TMEM87A: variants seen among roughly 807,000 people sequenced by gnomAD.
The protein encoded by TMEM87A is Golgi-pH regulating cation channel.
TMEM87A carries 50 observed loss-of-function variants against 90.0 expected under a neutral mutation model. The ratio of observed to expected loss-of-function variants is 0.56; its 90% confidence interval spans 0.44 to 0.70. The LOEUF (loss-of-function observed/expected upper bound fraction) is 0.70. TMEM87A is among the 30% of genes least tolerant of loss of function. The pLI is 0.00. For missense variants in TMEM87A, 577 were observed against 660.5 expected, an observed-to-expected ratio of 0.87 and a Z score of 1.39; for synonymous variants, 226 against 226.7, an observed-to-expected ratio of 1.00 and a Z score of 0.03.
At chr15:42,252,818 T>A (rs1164560688) in intron 6 of TMEM87A, among the ~76,000 whole-genome samples, 1 of 152,214 alleles carries the variant, frequency 6.6e-6, no homozygotes, top group Non-Finnish European at 1.5e-5. Context: ...GTATTTTTTT[T>A]AATCCTGTAA....
intron 6 of TMEM87A, among the ~76,000 whole-genome samples, chr15:42,252,884 G>A (rs1223837439): frequency 6.6e-6 from 1 of 152,116 alleles, no homozygotes; most frequent in Non-Finnish European, 1.5e-5. Flanking sequence ...AAAACTGAAT[G>A]TTATAAAGTG....
At chr15:42,267,920 A>C in intron 3 of TMEM87A, 27 bp downstream of exon 3, 1 of 1,588,916 alleles carries the variant, frequency 6.3e-7, no homozygotes, top group East Asian at 2.3e-5. Context: ...AAGGTCCAAA[A>C]AAACTCTGTA....
chr15:42,226,133 G>A (rs548495275), intron 15 of TMEM87A, among the ~76,000 whole-genome samples: 1 of 152,104 alleles, frequency 6.6e-6, no homozygotes, highest in Non-Finnish European at 1.5e-5. Context: ...CCAAGTAGCT[G>A]GGATTACAGG....
chr15:42,249,897 C>G (rs965554980), intron 6 of TMEM87A, among the ~76,000 whole-genome samples: 5 of 152,024 alleles, frequency 3.3e-5, no homozygotes, highest in East Asian at 1.9e-4. Flanking sequence ...TTATTGTGTG[C>G]GAGTCTAAGT....
Position 42,231,228 on chromosome 15 carries a change from G to C in TMEM87A, c.1095C>G (p.Ile365Met). The C allele has an allele frequency of 6.3e-7, 1 of 1,592,870 alleles. No individual in the cohort carries two copies. Residue 365 changes from isoleucine to methionine, a missense_variant, in exon 12 of 20, where the codon ATC becomes ATG. Transcript: ENST00000389834. ...AQTDLASLAF[I>M]PLAFLDTALC... ...AGGCAGTGTCTAGGAAAGCCAAGGG[G>C]ATAAAGGCCAAGGAAGCAAGATCAG... is the stretch of plus-strand genomic sequence containing the variant.
intron 5 of TMEM87A, 68 bp downstream of exon 5, chr15:42,261,128 G>T: frequency 3.2e-6 from 5 of 1,556,704 alleles, no homozygotes; most frequent in Non-Finnish European, 4.4e-6. Flanking sequence ...GATGCAGTGA[G>T]CACGGGTATC....
At chr15:42,234,080 C>T (rs1242476464) in intron 10 of TMEM87A, among the ~76,000 whole-genome samples, 3 of 152,040 alleles carry the variant, frequency 2.0e-5, no homozygotes, top group African/African-American at 7.2e-5. Flanking sequence ...CTGTGCCTGG[C>T]CCACAAAAGA....
rs560190880 is a variant in TMEM87A at position 42,224,088 on chromosome 15, C to T, written c.1403+2718G>A. On this transcript the variant is annotated intron_variant, in intron 15 of 19. Coordinates refer to ENST00000389834, the MANE Select transcript of TMEM87A (RefSeq NM_015497.5). Reference sequence around the variant, plus strand: ...TGTGAGGTGATCCCGACACCCATAACATGTCCTGTCTTTATTTGCCTGGGG... The same window carrying T: ...TGTGAGGTGATCCCGACACCCATAATATGTCCTGTCTTTATTTGCCTGGGG... Among the ~76,000 whole-genome samples the T allele has an allele frequency of 7.2e-4, 110 of 152,332 alleles. 1 individual carries two copies. Among genetic ancestry groups the T allele is most frequent in the Admixed American group, 2.0e-4 (3 of 15,300 alleles).
intron 1 of TMEM87A, chr15:42,272,828 C>T (rs2051568266): frequency 2.4e-6 from 1 of 417,154 alleles, no homozygotes; most frequent in African/African-American, 2.1e-5. Flanking sequence ...AGCAGAATTA[C>T]CCAGGGACCA....
intron 6 of TMEM87A, 136 bp downstream of exon 6, chr15:42,260,822 A>T (rs2051273164): frequency 1.1e-5 from 10 of 902,544 alleles, no homozygotes; most frequent in Non-Finnish European, 1.6e-5. Context: ...AACCATTTTT[A>T]ACATTTTGGT....
chr15:42,221,445 A>G (rs2050484011), intron 15 of TMEM87A, among the ~76,000 whole-genome samples: 1 of 152,214 alleles, frequency 6.6e-6, no homozygotes, highest in African/African-American at 2.4e-5. Context: ...TCAAAGACTA[A>G]AAAATGGAGA....
intron 15 of TMEM87A, among the ~76,000 whole-genome samples, chr15:42,221,201 A>G (rs1328499702): frequency 6.6e-6 from 1 of 151,780 alleles, no homozygotes; most frequent in East Asian, 2.0e-4. Context: ...GTGAGCCAAG[A>G]TTGCACCACT....
chr15:42,224,228 C>T (rs2050548681), intron 15 of TMEM87A, among the ~76,000 whole-genome samples: 2 of 152,164 alleles, frequency 1.3e-5, no homozygotes, highest in African/African-American at 2.4e-5. Flanking sequence ...GGGTTGGAAA[C>T]TAAAAGTCAG....
chr15:42,271,084 C>A (rs182816235), intron 2 of TMEM87A, among the ~76,000 whole-genome samples: 1 of 152,140 alleles, frequency 6.6e-6, no homozygotes, highest in Non-Finnish European at 1.5e-5. Context: ...AAGCTGCCCA[C>A]GATCAATCGT....
intron 12 of TMEM87A, among the ~76,000 whole-genome samples, chr15:42,230,869 A>T (rs1050295888): frequency 6.6e-6 from 1 of 152,202 alleles, no homozygotes; most frequent in African/African-American, 2.4e-5. Flanking sequence ...ACAGCCAGTG[A>T]CTCTAACACT....
chr15:42,255,828 G>A (rs760566996), intron 6 of TMEM87A, among the ~76,000 whole-genome samples: 31 of 151,080 alleles, frequency 2.1e-4, no homozygotes, highest in Admixed American at 7.9e-4. Context: ...GGAGTACAAC[G>A]GAACGATCTT....
chr15:42,271,523 A>G (rs531880187), intron 2 of TMEM87A: 1 of 152,350 alleles, frequency 6.6e-6, no homozygotes, highest in Non-Finnish European at 1.5e-5. Context: ...TTTGTACTCT[A>G]CTTTCCTATG....
intron 19 of TMEM87A, among the ~76,000 whole-genome samples, chr15:42,214,127 G>T (rs534835622): frequency 1.3e-5 from 2 of 151,714 alleles, no homozygotes; most frequent in African/African-American, 4.8e-5. Context: ...GAAAATCCGG[G>T]GGGGGAACAC....
At chr15:42,217,926 A>G in intron 18 of TMEM87A, 93 bp from the exon 19 acceptor site, 4 of 1,279,234 alleles carry the variant, frequency 3.1e-6, no homozygotes, top group South Asian at 2.9e-5. Context: ...TAAAAGCTTT[A>G]TAATTATCTA....
Sources: gnomAD v4.1 joint callset for allele counts (sites outside exome capture counted in the v4.1 genomes callset) on GRCh38, gnomAD v4.1.1 for gene constraint, MANE v1.5 for transcripts, NCBI Gene and HGNC (gene_info 2026-07-23, HGNC 2026-07-21) for gene names.